Variants in CALN1 observed in about 807,000 individuals in gnomAD.
CALN1 encodes the protein calcium-binding protein 8.
Under a neutral mutation model 30.6 loss-of-function variants are expected in CALN1, and 17 were observed. That is an observed-to-expected ratio of 0.56 (90% CI 0.38 to 0.83). The LOEUF is 0.83. CALN1 is among the 40% of genes least tolerant of loss of function. The probability of loss-of-function intolerance (pLI) is 0.00; values close to 1 mark genes in which losing one functional copy is unlikely to be tolerated. For synonymous variants in CALN1, 156 were observed against 131.4 expected (o/e 1.19, Z -1.28); for missense variants, 291 against 354.9 (o/e 0.82, Z 1.45).
intron 3 of CALN1, among the ~76,000 whole-genome samples, chr7:72,191,552 CAAAAAAAAA>C (rs55780039): frequency 1.9e-4 from 14 of 72,484 alleles, no homozygotes; most frequent in Admixed American, 1.5e-3. Flanking sequence ...GACTCCGTCT[CAAAAAAAAA>C]AAAAAAAAAA....
chr7:71,873,993 G>A (rs1009604638), intron 5 of CALN1, among the ~76,000 whole-genome samples: 10 of 152,078 alleles, frequency 6.6e-5, no homozygotes, highest in Non-Finnish European at 1.5e-4. Flanking sequence ...TTCTAGATTC[G>A]GCCAGGTGCA....
chr7:72,374,927 C>T (rs536549841), intron 2 of CALN1, among the ~76,000 whole-genome samples: 6 of 152,302 alleles, frequency 3.9e-5, no homozygotes, highest in South Asian at 4.1e-4. Flanking sequence ...GATTTTTATA[C>T]ATTCAAGCGC....
Position 72,147,431 on chromosome 7 carries a change from A to G in CALN1, c.245-41137T>C, listed in dbSNP as rs112752146. Reference sequence around the variant, plus strand: ...CCACAATGAGATACCATCTCACACCAGTTAGAATGGTGATCATTAAAAAGT... The same window carrying G: ...CCACAATGAGATACCATCTCACACCGGTTAGAATGGTGATCATTAAAAAGT... On this transcript the variant is annotated intron_variant, in intron 3 of 6. Transcript: ENST00000395275. Among the ~76,000 whole-genome samples the G allele has an allele frequency of 6.2e-3, 921 of 149,358 alleles. 4 individuals carry two copies. The highest frequency in any genetic ancestry group is 0.01 in the Middle Eastern group (3 of 294).
chr7:71,992,411 C>G lies in CALN1; in HGVS notation c.501+31246G>C, dbSNP rs552980624. Among the ~76,000 whole-genome samples the G allele has an allele frequency of 3.6e-3, 550 of 152,252 alleles. 2 individuals carry two copies. The highest frequency in any genetic ancestry group is 6.4e-3 in the Non-Finnish European group (436 of 68,028). ...CCTCATTGTTGCCCAGGCTGGGATG[C>G]AGTGGTGCAATCATGGCTCACTGCA... On this transcript the variant is annotated intron_variant, in intron 5 of 6. Coordinates refer to ENST00000395275, the MANE Select transcript of CALN1 (RefSeq NM_031468.4).
At chr7:72,260,890 C>G (rs928314319) in intron 3 of CALN1, among the ~76,000 whole-genome samples, 11 of 152,174 alleles carry the variant, frequency 7.2e-5, no homozygotes, top group South Asian at 4.1e-4. Flanking sequence ...TACGGTGCTT[C>G]TAGGTTCAGA....
chr7:71,983,811 C>T (rs1431107970), intron 5 of CALN1, among the ~76,000 whole-genome samples: 1 of 152,188 alleles, frequency 6.6e-6, no homozygotes, highest in Non-Finnish European at 1.5e-5. Context: ...GGATTACAGG[C>T]ATGAGCCACC....
At chr7:71,928,939 AC>A (rs1795410701) in intron 5 of CALN1, among the ~76,000 whole-genome samples, 1 of 151,822 alleles carries the variant, frequency 6.6e-6, no homozygotes, top group South Asian at 2.1e-4. Flanking sequence ...CCCGCCAGCA[AC>A]CCCTGCTGCT....
At position 72,412,259 on chromosome 7, in the gene CALN1, C is replaced by G. The variant is rs933495548; in HGVS notation, c.-275G>C. 1 of 152,024 alleles carries G rather than the reference C, an allele frequency of 6.6e-6. No homozygotes were observed. The highest frequency in any genetic ancestry group is 1.5e-5 in the Non-Finnish European group (1 of 68,006). The allele number at this position is 152,024 out of a possible 1,614,324, so 9.4% of individuals were successfully genotyped here. On this transcript the variant is annotated 5_prime_UTR_variant, in exon 1 of 7. Coordinates refer to ENST00000395275, the MANE Select transcript of CALN1 (RefSeq NM_031468.4). ...CGTGAGCTTTAAAGGTGGCGCGGAC[C>G]CAGAGTAAGCAGTAAGCTTTATTAA...
At chr7:72,349,282 T>TTGTGTG (rs3032183) in intron 2 of CALN1, among the ~76,000 whole-genome samples, 2,095 of 147,820 alleles carry the variant, frequency 0.014, 20 homozygotes, top group African/African-American at 0.027. Context: ...ACACGCGTGC[T>TTGTGTG]TGTGTGTGTG....
At chr7:72,083,919 A>C (rs908923796) in intron 4 of CALN1, among the ~76,000 whole-genome samples, 3 of 152,050 alleles carry the variant, frequency 2.0e-5, no homozygotes, top group Non-Finnish European at 4.4e-5. Context: ...GACATACTAC[A>C]TAACAATCGC....
In CALN1 at chr7:71,809,831, T is replaced by C. The variant is rs891715259; in HGVS notation, c.658+505A>G. ...CAGAGGACTCTGTCCCTTTTTTTTT[T>C]CTTTTTTTTGGCCAGTGCATTTGGG... On this transcript the variant is annotated intron_variant, in intron 6 of 6. Coordinates refer to ENST00000395275, the MANE Select transcript of CALN1 (RefSeq NM_031468.4). Among the ~76,000 whole-genome samples the C allele has an allele frequency of 4.7e-4, 71 of 152,000 alleles. 1 individual carries two copies. The highest frequency in any genetic ancestry group is 2.0e-4 in the Admixed American group (3 of 15,250).
intron 5 of CALN1, among the ~76,000 whole-genome samples, chr7:71,978,358 G>A (rs1400108753): frequency 2.3e-5 from 3 of 132,740 alleles, no homozygotes; most frequent in African/African-American, 8.4e-5. Context: ...TGCAAGCTCC[G>A]CCTCCTGGGT....
chr7:72,016,012 G>T (rs551548651), intron 5 of CALN1, among the ~76,000 whole-genome samples: 1 of 152,246 alleles, frequency 6.6e-6, no homozygotes, highest in African/African-American at 2.4e-5. Flanking sequence ...ACTTTGGGAG[G>T]CTGAGGCCGG....
Position 71,854,510 on chromosome 7 carries a change from ATGTT to A in CALN1, c.502-44022_502-44019del, listed in dbSNP as rs1219323653. Among the ~76,000 whole-genome samples, 3 of 152,318 alleles carry A rather than the reference ATGTT, an allele frequency of 2.0e-5. No homozygotes were observed. In the East Asian group the frequency reaches 5.8e-4, roughly 29 times the overall value. ...CAGAAGCAATTATAGCAAGTTGGTG[ATGTT>A]TGTTCATTCTGCATTGTGGTTACAT... On this transcript the variant is annotated intron_variant, in intron 5 of 6. Coordinates refer to ENST00000395275, the MANE Select transcript of CALN1 (RefSeq NM_031468.4).
chr7:71,965,159 C>A (rs1797469638), intron 5 of CALN1, among the ~76,000 whole-genome samples: 1 of 152,122 alleles, frequency 6.6e-6, no homozygotes, highest in African/African-American at 2.4e-5. Context: ...TTCCAAGTAG[C>A]TGAGAACACA....
intron 3 of CALN1, among the ~76,000 whole-genome samples, chr7:72,233,120 C>T: frequency 6.6e-6 from 1 of 150,516 alleles, no homozygotes; most frequent in African/African-American, 2.5e-5. Context: ...TTATTTTGGT[C>T]ACAAGGGACT....
intron 2 of CALN1, among the ~76,000 whole-genome samples, chr7:72,320,814 G>C (rs894136324): frequency 7.7e-6 from 1 of 129,242 alleles, no homozygotes; most frequent in Non-Finnish European, 1.6e-5. Context: ...TAGCCTGGGC[G>C]ACAGAGCGAG....
At chr7:72,336,783 G>A (rs1223077371) in intron 2 of CALN1, 1 of 984,998 alleles carries the variant, frequency 1.0e-6, no homozygotes, top group African/African-American at 1.8e-5. Context: ...GAGGCCCGCA[G>A]GGAGGGGGCG....
intron 2 of CALN1, chr7:72,337,154 T>C (rs1802119567): frequency 1.0e-6 from 1 of 985,160 alleles, no homozygotes; most frequent in East Asian, 1.1e-4. Flanking sequence ...TTGCGCGCCC[T>C]AGAAACTCCA....
Sources: allele counts gnomAD v4.1 joint callset (sites outside exome capture counted in the v4.1 genomes callset), GRCh38; gene constraint gnomAD v4.1.1; transcripts MANE v1.5; gene names NCBI Gene and HGNC (gene_info 2026-07-23, HGNC 2026-07-21).